The following DPP6 variants were observed in gnomAD, a reference collection of about 807,000 sequenced individuals.
The protein encoded by DPP6 is dipeptidyl peptidase like 6, also known as A-type potassium channel modulatory protein DPP6.
DPP6 carries 69 observed loss-of-function variants against 122.6 expected under a neutral mutation model. The observed-to-expected ratio is 0.56, with a 90% CI of 0.46 to 0.69. DPP6 has a LOEUF of 0.69. Among genes scored for constraint, DPP6 ranks in the 30% least tolerant of loss-of-function variants. The pLI, the probability that DPP6 is intolerant of heterozygous loss-of-function variation, is 0.00. For synonymous variants in DPP6, 418 were observed against 433.1 expected (o/e 0.97, Z 0.43); for missense variants, 928 against 1,116.9 (o/e 0.83, Z 2.41).
intron 16 of DPP6, among the ~76,000 whole-genome samples, chr7:154,827,697 G>T (rs1800275124): frequency 7.2e-6 from 1 of 138,930 alleles, no homozygotes; most frequent in Non-Finnish European, 1.6e-5. Flanking sequence ...AGAGTGAGGA[G>T]GGGGTGTCTC....
At position 154,512,785 on chromosome 7, in the gene DPP6, A is replaced by G. The variant is rs112628286; in HGVS notation, c.458-27747A>G. ...CCTCTTGTGGTTTCCAGAGCTGTAG[A>G]TGAATAAATTTTCATCCCTTGATTG... On this transcript the variant is annotated intron_variant, in intron 3 of 25. Coordinates refer to ENST00000377770, the MANE Select transcript of DPP6 (RefSeq NM_130797.4). Among the ~76,000 whole-genome samples the G allele has an allele frequency of 5.3e-3, 801 of 152,298 alleles. 3 individuals carry two copies. The highest frequency in any genetic ancestry group is 0.018 in the African/African-American group (756 of 41,546).
intron 9 of DPP6, among the ~76,000 whole-genome samples, 184 bp downstream of exon 9, chr7:154,769,755 C>G (rs1382203105): frequency 6.6e-6 from 1 of 152,192 alleles, no homozygotes; most frequent in Non-Finnish European, 1.5e-5. Flanking sequence ...GAGTCATTGG[C>G]AGGTTTACTT....
At chr7:154,203,967 T>C (rs1372702246) in intron 1 of DPP6, among the ~76,000 whole-genome samples, 1 of 152,222 alleles carries the variant, frequency 6.6e-6, no homozygotes, top group Non-Finnish European at 1.5e-5. Flanking sequence ...TAATAAATAG[T>C]TGCTATTGTA....
intron 1 of DPP6, among the ~76,000 whole-genome samples, chr7:153,973,683 G>A (rs1796146764): frequency 1.5e-5 from 2 of 129,138 alleles, no homozygotes; most frequent in East Asian, 2.3e-4. Flanking sequence ...GTGTCTAATG[G>A]TAGGATGTTT....
chr7:154,497,933 A>G (rs1037873146), intron 3 of DPP6, among the ~76,000 whole-genome samples: 12 of 152,136 alleles, frequency 7.9e-5, no homozygotes, highest in Non-Finnish European at 1.2e-4. Flanking sequence ...CTACCAGGCC[A>G]TGCAAGGTCT....
chr7:153,940,584 C>T (rs182010318), intron 1 of DPP6, among the ~76,000 whole-genome samples: 1 of 152,084 alleles, frequency 6.6e-6, no homozygotes, highest in South Asian at 2.1e-4. Context: ...GGGATGGGAC[C>T]ACGGTCTACC....
chr7:154,324,319 G>A (rs143131735), intron 1 of DPP6, among the ~76,000 whole-genome samples: 1 of 152,284 alleles, frequency 6.6e-6, no homozygotes, highest in African/African-American at 2.4e-5. Flanking sequence ...TTTAATCAAA[G>A]TTGTGTTTGC....
intron 1 of DPP6, among the ~76,000 whole-genome samples, chr7:154,043,461 A>C (rs1204451993): frequency 1.5e-5 from 2 of 137,238 alleles, no homozygotes; most frequent in Admixed American, 7.9e-5. Flanking sequence ...GATTTTCATT[A>C]AATGCTCAGA....
intron 5 of DPP6, among the ~76,000 whole-genome samples, chr7:154,628,093 A>C (rs1032449813): frequency 2.0e-5 from 3 of 152,252 alleles, no homozygotes; most frequent in African/African-American, 4.8e-5. Context: ...GCGGGAAGGA[A>C]TGTTAGTGGT....
At chr7:153,890,314 C>T (rs905416160) in intron 1 of DPP6, among the ~76,000 whole-genome samples, 1 of 152,292 alleles carries the variant, frequency 6.6e-6, no homozygotes, top group African/African-American at 2.4e-5. Flanking sequence ...TTTGCACTGC[C>T]CAAATGGTCA....
chr7:154,722,698 G>C (rs1412606640), intron 7 of DPP6, among the ~76,000 whole-genome samples: 2 of 152,104 alleles, frequency 1.3e-5, no homozygotes, highest in African/African-American at 4.8e-5. Context: ...TGAGGCCTTG[G>C]GGATGGTGCG....
chr7:154,146,405 C>T (rs1199898003), intron 1 of DPP6, among the ~76,000 whole-genome samples: 5 of 146,836 alleles, frequency 3.4e-5, no homozygotes, highest in Non-Finnish European at 4.5e-5. Flanking sequence ...TTCCTGTGTA[C>T]CCTGATACCT....
chr7:154,180,853 C>T (rs1002432543), intron 1 of DPP6, among the ~76,000 whole-genome samples: 1 of 152,150 alleles, frequency 6.6e-6, no homozygotes, highest in Non-Finnish European at 1.5e-5. Context: ...ATCATGCCTA[C>T]CTTTTCAAAA....
At chr7:154,621,738 G>A (rs897603899) in intron 5 of DPP6, among the ~76,000 whole-genome samples, 3 of 152,064 alleles carry the variant, frequency 2.0e-5, no homozygotes, top group Admixed American at 6.5e-5. Context: ...GTCTTCCCAT[G>A]CCCTTCTCTT....
At chr7:154,864,361 A>G (rs960716705) in intron 17 of DPP6, among the ~76,000 whole-genome samples, 1 of 152,200 alleles carries the variant, frequency 6.6e-6, no homozygotes, top group Admixed American at 6.5e-5. Context: ...CGACCTGCCC[A>G]TGGGACGCAG....
At chr7:154,631,802 G>A (rs1284327137) in intron 5 of DPP6, among the ~76,000 whole-genome samples, 1 of 152,198 alleles carries the variant, frequency 6.6e-6, no homozygotes, top group Admixed American at 6.5e-5. Context: ...TAATAGGGGA[G>A]AATGAGTGGT....
the DPP6 span, among the ~76,000 whole-genome samples, chr7:153,827,358 A>G: frequency 6.6e-6 from 1 of 152,154 alleles, no homozygotes; most frequent in Non-Finnish European, 1.5e-5. Flanking sequence ...CGGAGTAGAC[A>G]TCCTTTTCTC....
In DPP6 at chr7:154,335,795, G is replaced by A. The variant is rs143953157; in HGVS notation, c.244-110419G>A. 2.8e-3 allele frequency among the ~76,000 whole-genome samples: 429 copies of A among 152,188 alleles called. 1 individual carries two copies. Among genetic ancestry groups the A allele is most frequent in the Middle Eastern group, 6.8e-3 (2 of 294 alleles). On this transcript the variant is annotated intron_variant, in intron 1 of 25. Coordinates refer to ENST00000377770, the MANE Select transcript of DPP6 (RefSeq NM_130797.4). ...TCAATACATTAGCAAAACCTGGACC[G>A]TTTCTGGTGTTGCTGGTGCTGCATG...
intron 3 of DPP6, among the ~76,000 whole-genome samples, chr7:154,526,693 T>C (rs1269259420): frequency 1.3e-5 from 2 of 152,204 alleles, no homozygotes; most frequent in African/African-American, 4.8e-5. Context: ...AAACTGGCAG[T>C]AGGAATTAAT....
Sources: allele counts gnomAD v4.1 joint callset (sites outside exome capture counted in the v4.1 genomes callset), GRCh38; gene constraint gnomAD v4.1.1; transcripts MANE v1.5; gene names NCBI Gene and HGNC (gene_info 2026-07-23, HGNC 2026-07-21).